Variants in BNC2 observed in about 807,000 individuals in gnomAD.
BNC2 encodes basonuclin zinc finger protein 2.
Under a neutral mutation model 76.3 loss-of-function variants are expected in BNC2, and 20 were observed. The ratio of observed to expected loss-of-function variants is 0.26; its 90% CI spans 0.18 to 0.38. BNC2 has a LOEUF of 0.38. Ranked by LOEUF, BNC2 falls within the 10% of genes least tolerant of loss-of-function variation. The probability of loss-of-function intolerance (pLI) is 1.00; values close to 1 mark genes in which losing one functional copy is unlikely to be tolerated. For synonymous variants in BNC2, 582 were observed against 514.8 expected (o/e 1.13, Z -1.77); for missense variants, 1,382 against 1,399.8 (o/e 0.99, Z 0.20).
chr9:16,506,953 C>A (rs1822641987), intron 5 of BNC2, among the ~76,000 whole-genome samples: 1 of 151,946 alleles, frequency 6.6e-6, no homozygotes, highest in South Asian at 2.1e-4. Flanking sequence ...AGGTTTCACA[C>A]CACATTGACC....
At chr9:16,570,920 T>C (rs545944711) in intron 4 of BNC2, among the ~76,000 whole-genome samples, 1 of 152,316 alleles carries the variant, frequency 6.6e-6, no homozygotes, top group Admixed American at 6.5e-5. Context: ...GATATATTGG[T>C]TAGTGCTTTG....
chr9:16,841,365 C>T (rs781018601), intron 1 of BNC2, among the ~76,000 whole-genome samples: 3 of 152,148 alleles, frequency 2.0e-5, no homozygotes, highest in African/African-American at 4.8e-5. Flanking sequence ...AGGACTCCGA[C>T]GCTTTCTATA....
At chr9:16,597,874 C>T (rs1489659476) in intron 3 of BNC2, among the ~76,000 whole-genome samples, 1 of 151,796 alleles carries the variant, frequency 6.6e-6, no homozygotes, top group East Asian at 1.9e-4. Context: ...TCATTCCGTG[C>T]CTGGTTTTCG....
chr9:16,588,207 A>C (rs1819826444), intron 3 of BNC2, among the ~76,000 whole-genome samples: 1 of 152,218 alleles, frequency 6.6e-6, no homozygotes, highest in South Asian at 2.1e-4. Context: ...GCAACAGGAA[A>C]AGCTCAATAA....
At chr9:16,498,491 T>C (rs1475944780) in intron 5 of BNC2, among the ~76,000 whole-genome samples, 2 of 149,066 alleles carry the variant, frequency 1.3e-5, no homozygotes, top group African/African-American at 2.5e-5. Context: ...CTAACAATGA[T>C]ACAACGGACT....
At chr9:16,772,255 T>C (rs1825851155) in intron 1 of BNC2, among the ~76,000 whole-genome samples, 1 of 152,152 alleles carries the variant, frequency 6.6e-6, no homozygotes, top group Non-Finnish European at 1.5e-5. Context: ...GGGGTGTATA[T>C]AAAAATAAAC....
At chr9:16,612,684 T>A (rs1463619043) in intron 3 of BNC2, among the ~76,000 whole-genome samples, 1 of 152,158 alleles carries the variant, frequency 6.6e-6, no homozygotes, top group Non-Finnish European at 1.5e-5. Flanking sequence ...TGACCACAAA[T>A]AACTATACTA....
At chr9:16,669,927 T>C (rs998271983) in intron 3 of BNC2, among the ~76,000 whole-genome samples, 2 of 152,212 alleles carry the variant, frequency 1.3e-5, no homozygotes, top group Non-Finnish European at 2.9e-5. Flanking sequence ...TGATAATAGT[T>C]AACCTTATAA....
At chr9:16,692,806 G>A (rs975756469) in intron 3 of BNC2, among the ~76,000 whole-genome samples, 6 of 152,052 alleles carry the variant, frequency 3.9e-5, no homozygotes, top group Admixed American at 6.6e-5. Flanking sequence ...CGAAAAGATC[G>A]CTGTCAGCTC....
chr9:16,536,958 CA>C (rs1818148747), intron 5 of BNC2, among the ~76,000 whole-genome samples: 1 of 152,004 alleles, frequency 6.6e-6, no homozygotes, highest in African/African-American at 2.4e-5. Flanking sequence ...TTACTTTTAT[CA>C]AAACTAAATA....
chr9:16,606,280 TAAAG>T (rs1355583212), intron 3 of BNC2, among the ~76,000 whole-genome samples: 1 of 149,018 alleles, frequency 6.7e-6, no homozygotes, highest in East Asian at 1.9e-4. Flanking sequence ...AAGTTAATAA[TAAAG>T]AAAAAAGTTC....
At position 16,413,352 on chromosome 9, in the gene BNC2, C is replaced by T. The variant is rs1363535590; in HGVS notation, c.*5637G>A. The T allele has an allele frequency of 1.8e-5, 2 of 108,154 alleles. No individual in the cohort carries two copies. The highest frequency in any genetic ancestry group is 3.3e-5 in the Non-Finnish European group (2 of 59,872). 6.7% of individuals were successfully genotyped at this position (108,154 alleles called of 1,614,324 possible). A position where few individuals can be genotyped will look rare whatever the true frequency, so the allele number is the denominator to read the frequency against. On this transcript the variant is annotated 3_prime_UTR_variant, in exon 7 of 7. Transcript: ENST00000380672. ...CCAATTCAGTGTACATGTAAAAATG[C>T]TTAGTTTTTTTTTTTTTTTTAACCT... is the stretch of plus-strand genomic sequence containing the variant.
intron 5 of BNC2, among the ~76,000 whole-genome samples, chr9:16,465,011 C>T (rs1821673665): frequency 6.6e-6 from 1 of 152,178 alleles, no homozygotes; most frequent in Admixed American, 6.5e-5. Context: ...GACTTTTAAT[C>T]ATTTCACTCT....
At chr9:16,598,432 T>C (rs73646000) in intron 3 of BNC2, among the ~76,000 whole-genome samples, 6,957 of 152,274 alleles carry the variant, frequency 0.046, 586 homozygotes, top group African/African-American at 0.16. Context: ...TTAGCATGTA[T>C]TTACTAGCAG....
At chr9:16,572,355 G>A (rs1035337491) in intron 4 of BNC2, among the ~76,000 whole-genome samples, 1 of 152,204 alleles carries the variant, frequency 6.6e-6, no homozygotes, top group African/African-American at 2.4e-5. Context: ...ACGCACAAAT[G>A]GGCATAAAGA....
intron 3 of BNC2, among the ~76,000 whole-genome samples, chr9:16,588,148 A>G (rs2133128606): frequency 6.6e-6 from 1 of 152,174 alleles, no homozygotes; most frequent in East Asian, 1.9e-4. Context: ...CAACAGTGGC[A>G]AAACACTCAA....
At chr9:16,706,051 C>A (rs1309204612) in intron 3 of BNC2, among the ~76,000 whole-genome samples, 1 of 152,132 alleles carries the variant, frequency 6.6e-6, no homozygotes, top group Non-Finnish European at 1.5e-5. Flanking sequence ...AGTATGTATA[C>A]CAAATGAAAA....
chr9:16,794,523 G>A (rs1285083315), intron 1 of BNC2, among the ~76,000 whole-genome samples: 5 of 152,168 alleles, frequency 3.3e-5, no homozygotes, highest in Non-Finnish European at 7.4e-5. Flanking sequence ...TATGACAACT[G>A]TAAAAGGGCT....
intron 5 of BNC2, among the ~76,000 whole-genome samples, chr9:16,497,786 C>T (rs1486767259): frequency 6.6e-6 from 1 of 152,132 alleles, no homozygotes; most frequent in South Asian, 2.1e-4. Flanking sequence ...ATACTATATA[C>T]CCTGGAAAGA....
Sources: allele counts gnomAD v4.1 joint callset (sites outside exome capture counted in the v4.1 genomes callset), GRCh38; gene constraint gnomAD v4.1.1; transcripts MANE v1.5; gene names NCBI Gene and HGNC (gene_info 2026-07-23, HGNC 2026-07-21).